Variants in ZNF385D observed in about 807,000 individuals in gnomAD.
ZNF385D encodes the protein zinc finger protein 385D.
In ZNF385D, 15 loss-of-function variants were observed where a neutral mutation model predicts 35.8. That is an observed-to-expected ratio of 0.42 (90% confidence interval 0.28 to 0.64). The LOEUF (loss-of-function observed/expected upper bound fraction) is 0.64. ZNF385D is among the 30% of genes least tolerant of loss of function. The pLI, the probability that ZNF385D is intolerant of heterozygous loss-of-function variation, is 0.23. For synonymous variants in ZNF385D, 212 were observed against 186.8 expected, an observed-to-expected ratio of 1.13 and a Z score of -1.10; for missense variants, 474 against 494.6, an observed-to-expected ratio of 0.96 and a Z score of 0.39.
chr3:22,026,611 G>T (rs1279416258), intron 3 of ZNF385D, among the ~76,000 whole-genome samples: 1 of 152,194 alleles, frequency 6.6e-6, no homozygotes, highest in Non-Finnish European at 1.5e-5. Flanking sequence ...TTTCCCCAAT[G>T]CCAGAATGCG....
intron 3 of ZNF385D, among the ~76,000 whole-genome samples, chr3:22,004,962 G>C (rs1696102448): frequency 1.3e-5 from 2 of 149,200 alleles, no homozygotes; most frequent in Admixed American, 1.4e-4. Flanking sequence ...TCACAGATGG[G>C]TGTCCTTAGC....
At chr3:21,732,110 A>C (rs562302941) in intron 1 of ZNF385D, among the ~76,000 whole-genome samples, 170 of 128,648 alleles carry the variant, frequency 1.3e-3, no homozygotes, top group African/African-American at 4.3e-3. Flanking sequence ...GCTTGAGTGC[A>C]GTGGCGCGAG....
rs534277760 is a variant in ZNF385D, at chr3:22,041,286, T to C, written c.325+127531A>G. Among the ~76,000 whole-genome samples, 108 of 152,280 alleles carry C rather than the reference T, an allele frequency of 7.1e-4. 1 individual carries two copies. Among genetic ancestry groups the C allele is most frequent in the African/African-American group, 2.5e-3 (104 of 41,570 alleles). On this transcript the variant is annotated intron_variant, in intron 3 of 5. Transcript: ENST00000494108. ...AATAGGCCATGTGTTCACATTGAAC[T>C]ATAGCCAGGCATCTATAGTACTCTG... is the stretch of plus-strand genomic sequence containing the variant.
intron 2 of ZNF385D, among the ~76,000 whole-genome samples, chr3:22,205,382 T>C (rs1306596776): frequency 6.6e-6 from 1 of 150,688 alleles, no homozygotes; most frequent in African/African-American, 2.4e-5. Flanking sequence ...AGTTCTACAA[T>C]CTTAAAGAAA....
chr3:21,955,918 G>T lies in ZNF385D; in HGVS notation c.325+212899C>A, dbSNP rs112672641. 3.9e-4 allele frequency among the ~76,000 whole-genome samples: 59 copies of T among 152,170 alleles called. 1 individual carries two copies. The highest frequency in any genetic ancestry group is 1.3e-3 in the African/African-American group (54 of 41,502). ...CTGAGTTTATTGGCCAGGCATAATG[G>T]ATCAGGTCTGAAATCCCAGCAATTT... On this transcript the variant is annotated intron_variant, in intron 3 of 5. Transcript: ENST00000494108.
intron 3 of ZNF385D, among the ~76,000 whole-genome samples, chr3:22,070,643 G>T (rs927964664): frequency 3.9e-5 from 6 of 152,154 alleles, no homozygotes; most frequent in Admixed American, 3.9e-4. Flanking sequence ...TAAGTCCAGG[G>T]TAGAGGACAT....
intron 3 of ZNF385D, among the ~76,000 whole-genome samples, chr3:22,035,672 C>T (rs906419961): frequency 1.3e-5 from 2 of 152,126 alleles, no homozygotes; most frequent in African/African-American, 4.8e-5. Flanking sequence ...AAACCCCCAC[C>T]TAATCAGCAA....
intron 3 of ZNF385D, among the ~76,000 whole-genome samples, chr3:21,788,077 G>A (rs2071775755): frequency 6.6e-6 from 1 of 150,944 alleles, no homozygotes; most frequent in Non-Finnish European, 1.5e-5. Context: ...ATGCAAATGA[G>A]CTAAGAAGAG....
intron 3 of ZNF385D, among the ~76,000 whole-genome samples, chr3:22,157,965 T>C (rs1705699030): frequency 6.6e-6 from 1 of 152,104 alleles, no homozygotes; most frequent in Admixed American, 6.6e-5. Flanking sequence ...TGGGAATAAC[T>C]CTAATCTCAC....
intron 3 of ZNF385D, among the ~76,000 whole-genome samples, chr3:22,154,612 A>G (rs181014830): frequency 6.6e-6 from 1 of 152,302 alleles, no homozygotes; most frequent in African/African-American, 2.4e-5. Flanking sequence ...AGCTCCTTCA[A>G]GCCTTGGCAT....
chr3:22,016,134 C>T (rs979885231), intron 3 of ZNF385D, among the ~76,000 whole-genome samples: 1 of 152,064 alleles, frequency 6.6e-6, no homozygotes, highest in Non-Finnish European at 1.5e-5. Flanking sequence ...TAAAACAGTT[C>T]TTCTAATTTT....
intron 3 of ZNF385D, among the ~76,000 whole-genome samples, chr3:21,799,685 T>A (rs190335769): frequency 2.5e-3 from 382 of 152,268 alleles, no homozygotes; most frequent in African/African-American, 8.1e-3. Flanking sequence ...TTAACAGGCA[T>A]TTGATTCCAG....
At chr3:21,947,575 C>G (rs1701854323) in intron 3 of ZNF385D, among the ~76,000 whole-genome samples, 1 of 152,132 alleles carries the variant, frequency 6.6e-6, no homozygotes, top group Non-Finnish European at 1.5e-5. Context: ...TGGTCTCGAA[C>G]TCCTGACCTC....
intron 3 of ZNF385D, among the ~76,000 whole-genome samples, chr3:21,974,987 C>A (rs1025795360): frequency 1.3e-5 from 2 of 152,118 alleles, no homozygotes; most frequent in African/African-American, 4.8e-5. Flanking sequence ...ATTAGTACAA[C>A]CACTATAAAG....
At chr3:21,834,726 C>T (rs1817633) in intron 3 of ZNF385D, among the ~76,000 whole-genome samples, 135,658 of 152,136 alleles carry the variant, frequency 0.89, 60,735 homozygotes, top group African/African-American at 0.96. Context: ...TCATCTTGGA[C>T]TGTAATCCCC....
Position 21,843,448 on chromosome 3 carries a change from G to C in ZNF385D, c.326-178420C>G, listed in dbSNP as rs1450013720. Among the ~76,000 whole-genome samples, 3 of 151,954 alleles carry C rather than the reference G, an allele frequency of 2.0e-5. No individual in the cohort carries two copies. The East Asian group carries it at 5.8e-4, about 29-fold the overall frequency. Reference sequence around the variant, plus strand: ...CGAGCCTGTTGTCCACTTTAGAAAAGTGAGCTCAGGAGATACAAAGTCATA... The same window carrying C: ...CGAGCCTGTTGTCCACTTTAGAAAACTGAGCTCAGGAGATACAAAGTCATA... On this transcript the variant is annotated intron_variant, in intron 3 of 5. Coordinates refer to the ZNF385D transcript ENST00000494108.
At chr3:21,927,865 G>A (rs1032664950) in intron 3 of ZNF385D, among the ~76,000 whole-genome samples, 6 of 152,122 alleles carry the variant, frequency 3.9e-5, no homozygotes, top group African/African-American at 1.4e-4. Flanking sequence ...AATAGTTGCA[G>A]ACATCAATAT....
intron 3 of ZNF385D, among the ~76,000 whole-genome samples, chr3:21,925,913 T>A (rs1559760529): frequency 6.6e-6 from 1 of 152,024 alleles, no homozygotes; most frequent in Non-Finnish European, 1.5e-5. Flanking sequence ...AAACACAAAT[T>A]AATACCACAC....
chr3:21,907,345 T>G (rs1282143693), intron 3 of ZNF385D, among the ~76,000 whole-genome samples: 1 of 152,178 alleles, frequency 6.6e-6, no homozygotes, highest in Non-Finnish European at 1.5e-5. Flanking sequence ...TACACAAATA[T>G]AAATTGTTAC....
Sources: allele counts gnomAD v4.1 joint callset (sites outside exome capture counted in the v4.1 genomes callset), GRCh38; gene constraint gnomAD v4.1.1; transcripts MANE v1.5; gene names NCBI Gene and HGNC (gene_info 2026-07-23, HGNC 2026-07-21).